CNTNAP2: variants seen among roughly 807,000 people sequenced by gnomAD.
The protein encoded by CNTNAP2 is contactin-associated protein-like 2.
Under a neutral mutation model 155.2 loss-of-function variants are expected in CNTNAP2, and 98 were observed. The ratio of observed to expected loss-of-function variants is 0.63; its 90% confidence interval spans 0.54 to 0.75. The LOEUF (loss-of-function observed/expected upper bound fraction) is 0.75. Ranked by LOEUF, CNTNAP2 falls within the 30% of genes least tolerant of loss-of-function variation. The pLI, the probability that CNTNAP2 is intolerant of heterozygous loss-of-function variation, is 0.00. For synonymous variants in CNTNAP2, 651 were observed against 631.2 expected, an observed-to-expected ratio of 1.03 and a Z score of -0.47; for missense variants, 1,727 against 1,688.1, an observed-to-expected ratio of 1.02 and a Z score of -0.40.
At chr7:147,949,434 C>CTG (rs1554453464) in intron 14 of CNTNAP2, among the ~76,000 whole-genome samples, 2,219 of 113,198 alleles carry the variant, frequency 0.02, 64 homozygotes, top group African/African-American at 0.055. Context: ...CAAGGATCAA[C>CTG]TGTGTGTATA....
At chr7:146,300,620 G>A (rs1800590949) in intron 1 of CNTNAP2, among the ~76,000 whole-genome samples, 2 of 151,936 alleles carry the variant, frequency 1.3e-5, no homozygotes, top group African/African-American at 4.8e-5. Flanking sequence ...CTTTTAGGTT[G>A]GCCATATAGT....
chr7:147,965,508 C>T (rs1304414375), intron 14 of CNTNAP2, among the ~76,000 whole-genome samples: 2 of 151,554 alleles, frequency 1.3e-5, no homozygotes, highest in Admixed American at 6.6e-5. Context: ...CTTTGTGTCC[C>T]GTCCACCGAT....
At position 148,031,172 on chromosome 7, in the gene CNTNAP2, A is replaced by T. The variant is rs148840218; in HGVS notation, c.2383+53183A>T. Among the ~76,000 whole-genome samples the T allele has an allele frequency of 2.2e-3, 341 of 152,250 alleles. 8 individuals are homozygous for T. In the South Asian group the frequency reaches 0.024, roughly 11 times the overall value. ...CTTACCCTTCCACAGAGACTGAGAG[A>T]CTGGGGCCCTCCCTTCTTGATAACA... On this transcript the variant is annotated intron_variant, in intron 15 of 23. Transcript: ENST00000361727.
intron 3 of CNTNAP2, among the ~76,000 whole-genome samples, chr7:146,993,634 G>A (rs907190019): frequency 2.6e-5 from 4 of 151,996 alleles, no homozygotes; most frequent in Admixed American, 6.6e-5. Context: ...CTCCTGCCCC[G>A]CTCAAGCCTT....
intron 8 of CNTNAP2, among the ~76,000 whole-genome samples, chr7:147,193,643 G>C (rs1802724377): frequency 6.6e-6 from 1 of 152,146 alleles, no homozygotes; most frequent in Non-Finnish European, 1.5e-5. Flanking sequence ...AGCCCTGCTA[G>C]GGTCAGTGAC....
At chr7:147,767,409 G>C (rs1797398905) in intron 13 of CNTNAP2, among the ~76,000 whole-genome samples, 1 of 151,980 alleles carries the variant, frequency 6.6e-6, no homozygotes, top group Non-Finnish European at 1.5e-5. Flanking sequence ...AATTTCCTAA[G>C]GTACAAATTT....
chr7:147,101,651 G>A (rs1013449276), intron 4 of CNTNAP2, among the ~76,000 whole-genome samples: 1 of 152,114 alleles, frequency 6.6e-6, no homozygotes, highest in African/African-American at 2.4e-5. Flanking sequence ...GGATGGATGG[G>A]GAGCTGGAAA....
At chr7:147,923,376 C>T (rs1800319643) in intron 14 of CNTNAP2, among the ~76,000 whole-genome samples, 1 of 152,126 alleles carries the variant, frequency 6.6e-6, no homozygotes, top group African/African-American at 2.4e-5. Context: ...TCAAGGAGAA[C>T]ACCACGTTGG....
At chr7:148,184,958 G>A (rs1489265383) in intron 18 of CNTNAP2, among the ~76,000 whole-genome samples, 1 of 152,186 alleles carries the variant, frequency 6.6e-6, no homozygotes, top group Non-Finnish European at 1.5e-5. Context: ...ATTAATCATT[G>A]AGTCACTGAA....
At chr7:146,759,392 A>G (rs1802046699) in intron 1 of CNTNAP2, among the ~76,000 whole-genome samples, 1 of 152,050 alleles carries the variant, frequency 6.6e-6, no homozygotes, top group South Asian at 2.1e-4. Context: ...TGAACAGATT[A>G]TATTTTTTAA....
At chr7:146,399,805 C>T (rs190628242) in intron 1 of CNTNAP2, among the ~76,000 whole-genome samples, 59 of 152,240 alleles carry the variant, frequency 3.9e-4, no homozygotes, top group Non-Finnish European at 7.8e-4. Context: ...GGCTCCCCAC[C>T]GCCCTTGCCA....
At chr7:146,408,616 C>T (rs2129110337) in intron 1 of CNTNAP2, among the ~76,000 whole-genome samples, 1 of 103,430 alleles carries the variant, frequency 9.7e-6, no homozygotes, top group Admixed American at 1.5e-4. Flanking sequence ...CACACCAGGG[C>T]CTGTCATGGG....
intron 14 of CNTNAP2, among the ~76,000 whole-genome samples, chr7:147,955,761 A>G (rs1297903601): frequency 2.0e-5 from 3 of 152,190 alleles, no homozygotes; most frequent in Non-Finnish European, 4.4e-5. Flanking sequence ...GAGAACCACA[A>G]ACTGAGATAT....
chr7:146,353,805 T>TAAA (rs1794957924), intron 1 of CNTNAP2, among the ~76,000 whole-genome samples: 1 of 152,086 alleles, frequency 6.6e-6, no homozygotes, highest in Middle Eastern at 3.4e-3. Context: ...ATAATAATAA[T>TAAA]AAACTCCTCT....
At chr7:147,815,624 A>T (rs1289137215) in intron 13 of CNTNAP2, among the ~76,000 whole-genome samples, 1 of 152,182 alleles carries the variant, frequency 6.6e-6, no homozygotes, top group Non-Finnish European at 1.5e-5. Flanking sequence ...CTCTATTTTA[A>T]GGTCTGTAAC....
chr7:146,668,683 A>T lies in CNTNAP2; in HGVS notation c.98-105588A>T, dbSNP rs375667832. On this transcript the variant is annotated intron_variant, in intron 1 of 23. Transcript: ENST00000361727. ...TACTGATTCAATCATGTTACTTATT[A>T]TTGGTCTATTCAGGTTTTCTCCTTC... 4.1e-4 allele frequency among the ~76,000 whole-genome samples: 62 copies of T among 152,104 alleles called. 2 individuals are homozygous for T. Among genetic ancestry groups the T allele is most frequent in the African/African-American group, 1.5e-3 (62 of 41,496 alleles).
chr7:146,415,731 A>T (rs1316674576), intron 1 of CNTNAP2, among the ~76,000 whole-genome samples: 1 of 152,096 alleles, frequency 6.6e-6, no homozygotes, highest in Non-Finnish European at 1.5e-5. Flanking sequence ...AATCAAAGTC[A>T]TGCTATTCCT....
chr7:146,592,971 C>G (rs1405488291), intron 1 of CNTNAP2, among the ~76,000 whole-genome samples: 2 of 151,798 alleles, frequency 1.3e-5, no homozygotes, highest in Non-Finnish European at 2.9e-5. Flanking sequence ...GTTGTTATTG[C>G]TTTCAGGTAT....
In CNTNAP2 at chr7:148,276,654, G is replaced by A. The variant is rs1270716990; in HGVS notation, c.3475+9528G>A. 2.6e-5 allele frequency among the ~76,000 whole-genome samples: 4 copies of A among 152,228 alleles called. No individual in the cohort carries two copies. The East Asian group carries it at 5.8e-4, about 22-fold the overall frequency. ...TGCCATATTACGGATCTATTTATAA[G>A]CCATGTTAAGGTTTTAATGTTATCT... On this transcript the variant is annotated intron_variant, in intron 21 of 23. Transcript: ENST00000361727.
Sources: gnomAD v4.1 joint callset for allele counts (sites outside exome capture counted in the v4.1 genomes callset) on GRCh38, gnomAD v4.1.1 for gene constraint, MANE v1.5 for transcripts, NCBI Gene and HGNC (gene_info 2026-07-23, HGNC 2026-07-21) for gene names.